Variants in EHBP1L1 observed in about 807,000 individuals in gnomAD.
The protein encoded by EHBP1L1 is EH domain binding protein 1 like 1, also known as EH domain-binding protein 1-like protein 1.
A neutral mutation model predicts 151.1 loss-of-function variants in EHBP1L1; 122 were observed. The ratio of observed to expected loss-of-function variants is 0.81; its 90% CI spans 0.70 to 0.94. EHBP1L1 has a LOEUF of 0.94. Among genes scored for constraint, EHBP1L1 ranks in the 40% least tolerant of loss-of-function variants. The probability of loss-of-function intolerance (pLI) is 0.00; values close to 1 mark genes in which losing one functional copy is unlikely to be tolerated. For missense variants in EHBP1L1, 1,941 were observed against 1,959.8 expected (o/e 0.99, Z 0.18); for synonymous variants, 878 against 810.1 (o/e 1.08, Z -1.42).
chr11:65,591,766 AC>A (rs71036214), intron 16 of EHBP1L1, 33 bp from the exon 17 acceptor site: 9 of 808,260 alleles, frequency 1.1e-5, no homozygotes, highest in African/African-American at 1.8e-5. Context: ...CTGAACTGCC[AC>A]CCCCCCGCCA....
chr11:65,586,416 G>A (rs1413381884), intron 12 of EHBP1L1, among the ~76,000 whole-genome samples: 1 of 152,222 alleles, frequency 6.6e-6, no homozygotes, highest in Non-Finnish European at 1.5e-5. Context: ...ACCTTCAGCT[G>A]TCCAGGAATG....
intron 3 of EHBP1L1, 136 bp from the exon 4 acceptor site, chr11:65,579,800 C>A: frequency 1.1e-6 from 1 of 925,884 alleles, no homozygotes; most frequent in Non-Finnish European, 1.6e-6. Context: ...GCACTCCAGC[C>A]TCGACGACAG....
Position 65,584,033 on chromosome 11 carries a change from TG to T in EHBP1L1, c.3094-203del, listed in dbSNP as rs1261171971. 8 of 1,412,700 alleles carry T rather than the reference TG, an allele frequency of 5.7e-6. No homozygotes were observed. In the Admixed American group the frequency reaches 2.6e-4, roughly 46 times the overall value. The allele number at this position is 1,412,700 out of a possible 1,614,324, so 87.5% of individuals were successfully genotyped here. On this transcript the variant is annotated intron_variant, in intron 9 of 18. Coordinates refer to ENST00000309295, the MANE Select transcript of EHBP1L1 (RefSeq NM_001099409.3). ...GCTGCTGGTGACCTCTGATCTTGTC[TG>T]GGGGCCACTGACCTTTTAGGTGACC...
Position 65,581,859 on chromosome 11 carries a change from C to A in EHBP1L1, c.1187C>A (p.Pro396Gln). The change falls in exon 9 of 19, where the codon CCA becomes CAA. Residue 396 changes from proline to glutamine, a missense_variant. By Grantham distance (76) the Pro-to-Gln change is moderately conservative (BLOSUM62 -1). Transcript: ENST00000309295. ...GAGGCCAGTGGGGTGGACACTGAGC[C>A]AAGGTCAGGAGGCAGAGAGGCAAAC... Reference protein sequence around the residue: ...RPEASGVDTEPRSGGREANTK... With the variant: ...RPEASGVDTEQRSGGREANTK... 6.2e-7 allele frequency: 1 copy of A among 1,613,590 alleles called. No homozygotes were observed. The highest frequency in any genetic ancestry group is 8.5e-7 in the Non-Finnish European group (1 of 1,179,768).
chr11:65,584,154 T>TG (rs1857801851), intron 9 of EHBP1L1, 87 bp from the exon 10 acceptor site: 1 of 1,542,844 alleles, frequency 6.5e-7, no homozygotes, highest in Non-Finnish European at 8.7e-7. Context: ...GAGATGGGGC[T>TG]GTTGTGTGCC....
At position 65,585,300 on chromosome 11, in the gene EHBP1L1, G is replaced by A; in HGVS notation, c.3642G>A (p.Ala1214=). The A allele has an allele frequency of 9.3e-7, 1 of 1,075,178 alleles. No homozygotes were observed. The highest frequency in any genetic ancestry group is 1.1e-6 in the Non-Finnish European group (1 of 887,598). The allele number at this position is 1,075,178 out of a possible 1,614,324, so 66.6% of individuals were successfully genotyped here. Reference sequence around the variant, plus strand: ...GGGTGGCCTCCAGGAACGCGGTCGCGGGCCGCGCCTCCAAGGACGGCGGGG... The same window carrying A: ...GGGTGGCCTCCAGGAACGCGGTCGCAGGCCGCGCCTCCAAGGACGGCGGGG... ...APGVASRNAV[A]GRASKDGGAE... is the part of the protein sequence containing the mutation. The change falls in exon 12 of 19, where the codon GCG becomes GCA. Residue 1214 remains alanine (A), a synonymous_variant. Transcript: ENST00000309295. The surrounding 1 kb of genome is among the most constrained non-coding windows in gnomAD (Gnocchi z 4.0).
intron 1 of EHBP1L1, among the ~76,000 whole-genome samples, chr11:65,576,720 A>G (rs1857347755): frequency 6.6e-6 from 1 of 152,094 alleles, no homozygotes; most frequent in Non-Finnish European, 1.5e-5. Context: ...TGTGCCAGAA[A>G]GGTGGTTCAG....
rs1337233537 is a variant in EHBP1L1 at position 65,582,664 on chromosome 11, G to A, written c.1992G>A (p.Leu664=). 4.3e-6 allele frequency: 7 copies of A among 1,613,566 alleles called. No homozygotes were observed. In the Admixed American group the frequency reaches 1.2e-4, roughly 27 times the overall value. The change falls in exon 9 of 19, where the codon TTG becomes TTA. Residue 664 remains leucine, a synonymous_variant. Transcript: ENST00000309295. ...CAGAAGCTGGGGGTTCAGGAGTTTT[G>A]CAGACAAGAACTACGATAGCAGAGA... The part of the protein sequence containing the change: ...QKTEAGGSGV[L]QTRTTIAETE...
At position 65,591,789 on chromosome 11, in the gene EHBP1L1, C is replaced by CCCCCCAAAA; in HGVS notation, c.4284-10_4284-9insCCCCAAAAC. On this transcript the variant is annotated splice_polypyrimidine_tract_variant and intron_variant, in intron 16 of 18. Transcript: ENST00000309295. The stretch of plus-strand genomic sequence containing the variant: ...CCACCCCCCCGCCACCCACCCCCCG[C>CCCCCCAAAA]CACCTTCCAGCATGGAGGAGCAGGA... The CCCCCCAAAA allele has an allele frequency of 1.3e-6, 2 of 1,540,432 alleles. No individual in the cohort carries two copies. Among genetic ancestry groups the CCCCCCAAAA allele is most frequent in the Non-Finnish European group, 8.8e-7 (1 of 1,140,902 alleles).
In EHBP1L1 at chr11:65,582,350, T is replaced by G. The variant is rs1177745176; in HGVS notation, c.1678T>G (p.Trp560Gly). 6.3e-7 allele frequency: 1 copy of G among 1,575,708 alleles called. No homozygotes were observed. Among genetic ancestry groups the G allele is most frequent in the African/African-American group, 1.4e-5 (1 of 73,198 alleles). Residue 560 changes from tryptophan to glycine, a missense_variant, in exon 9 of 19, where the codon TGG (tryptophan) becomes GGG (glycine). Physicochemically the swap from Trp to Gly is radical, Grantham distance 184. Coordinates refer to ENST00000309295, the MANE Select transcript of EHBP1L1 (RefSeq NM_001099409.3). ...QGAISRGLGGWEAEAGGSGDL... is the reference protein window; with the variant it reads ...QGAISRGLGGGEAEAGGSGDL... Reference sequence around the variant, plus strand: ...GGCAATATCCAGGGGTCTGGGAGGCTGGGAGGCAGAAGCTGGGGGTTCAGG... The same window carrying G: ...GGCAATATCCAGGGGTCTGGGAGGCGGGGAGGCAGAAGCTGGGGGTTCAGG...
chr11:65,577,089 C>T (rs1193009396), intron 1 of EHBP1L1, among the ~76,000 whole-genome samples: 1 of 152,182 alleles, frequency 6.6e-6, no homozygotes, highest in Non-Finnish European at 1.5e-5. Flanking sequence ...GTGCAGGCCC[C>T]AGCCTGGACT....
chr11:65,577,084 G>C (rs917107878), intron 1 of EHBP1L1, among the ~76,000 whole-genome samples: 1 of 152,210 alleles, frequency 6.6e-6, no homozygotes, highest in African/African-American at 2.4e-5. Context: ...AGAGGGTGCA[G>C]GCCCCAGCCT....
Position 65,585,619 on chromosome 11 carries a change from C to T in EHBP1L1, c.3933+28C>T. ...GAGTGTCAAGGTCCTTCTTTCTTCC[C>T]CCGCCGCAGCGCGGGGTCCCGGGAA... On this transcript the variant is annotated intron_variant, in intron 12 of 18. Transcript: ENST00000309295. This position sits in a 1 kb window ranked among gnomAD's most constrained non-coding sequence, Gnocchi z 4.0. The T allele has an allele frequency of 6.5e-7, 1 of 1,546,796 alleles. No homozygotes were observed. The highest frequency in any genetic ancestry group is 1.2e-5 in the South Asian group (1 of 85,136).
In EHBP1L1 at chr11:65,579,990, G is replaced by A; in HGVS notation, c.312+1G>A. 1 of 1,613,962 alleles carries A rather than the reference G, an allele frequency of 6.2e-7. No homozygotes were observed. Among genetic ancestry groups the A allele is most frequent in the Non-Finnish European group, 8.5e-7 (1 of 1,179,876 alleles). On this transcript the variant is annotated splice_donor_variant, in intron 4 of 18. Coordinates refer to ENST00000309295, the MANE Select transcript of EHBP1L1 (RefSeq NM_001099409.3). LOFTEE classifies it high-confidence loss of function. ...AGAGTGGACATTTATTATTGAAAAT[G>A]TGAGTGTCTGGAGTGGGCTCAGGTC...
Position 65,590,078 on chromosome 11 carries a change from C to T in EHBP1L1, c.4060-9C>T. ...AGTCCACCCTGTTCTCTGCCTTTTC[C>T]ACCCCCAGCAACGGTTCCAGGACAC... is the stretch of plus-strand genomic sequence containing the variant. On this transcript the variant is annotated splice_polypyrimidine_tract_variant and intron_variant, in intron 14 of 18. Coordinates refer to ENST00000309295, the MANE Select transcript of EHBP1L1 (RefSeq NM_001099409.3). The T allele has an allele frequency of 6.2e-7, 1 of 1,613,816 alleles. No homozygotes were observed. The highest frequency in any genetic ancestry group is 8.5e-7 in the Non-Finnish European group (1 of 1,179,794).
rs2135293817 is a variant in EHBP1L1, at chr11:65,585,258, A to G, written c.3600A>G (p.Ala1200=). ...AGCCCAAGGAGGCCGCAGACCGCGC[A>G]GACGGGGCGGCCCCGGGGGTGGCCT... The part of the protein sequence containing the change: ...PQEPKEAADR[A]DGAAPGVASR... Residue 1200 remains alanine, a synonymous_variant, in exon 12 of 19, where the codon GCA becomes GCG. Transcript: ENST00000309295. The surrounding 1 kb of genome is among the most constrained non-coding windows in gnomAD (Gnocchi z 4.0). The G allele has an allele frequency of 9.2e-7, 1 of 1,092,430 alleles. No homozygotes were observed. Among genetic ancestry groups the G allele is most frequent in the Non-Finnish European group, 1.1e-6 (1 of 898,604 alleles). 67.7% of individuals were successfully genotyped at this position (1,092,430 alleles called of 1,614,324 possible).
intron 3 of EHBP1L1, 106 bp downstream of exon 3, chr11:65,579,542 CG>C (rs1857491374): frequency 8.2e-6 from 8 of 974,876 alleles, no homozygotes; most frequent in South Asian, 2.2e-5. Flanking sequence ...GAAGAGGATG[CG>C]GGGGGTGAGG....
In EHBP1L1 at chr11:65,583,607, G is replaced by A. The variant is rs1344666834; in HGVS notation, c.2935G>A (p.Ala979Thr). 6 of 1,609,922 alleles carry A rather than the reference G, an allele frequency of 3.7e-6. No individual in the cohort carries two copies. The South Asian group carries it at 4.4e-5, about 12-fold the overall frequency. ...TACTTTTAAGGCCCAGGAAGCGGAG[G>A]CTGGGGTCTTGGGAAATGAGAAGGG... ...SGTFKAQEAE[A>T]GVLGNEKGKE... The change falls in exon 9 of 19, where the codon GCT becomes ACT. Residue 979 changes from alanine (A) to threonine (T), a missense_variant. By Grantham distance (58) the Ala-to-Thr change is moderately conservative. Coordinates refer to ENST00000309295, the MANE Select transcript of EHBP1L1 (RefSeq NM_001099409.3).
chr11:65,579,346 C>T lies in EHBP1L1; in HGVS notation c.168C>T (p.His56=), dbSNP rs1251478318. 1.7e-5 allele frequency: 27 copies of T among 1,556,368 alleles called. No individual in the cohort carries two copies. The highest frequency in any genetic ancestry group is 2.2e-5 in the Non-Finnish European group (25 of 1,149,608). The part of the protein sequence containing the change: ...RRNRRICSKA[H]SWQPGIQNPY... ...ACTCAGATTGTCCCTTGTAGGCCCA[C>T]AGCTGGCAGCCGGGCATCCAGAACC... The change falls in exon 3 of 19, where the codon CAC becomes CAT. Residue 56 remains histidine (H), a synonymous_variant. Coordinates refer to ENST00000309295, the MANE Select transcript of EHBP1L1 (RefSeq NM_001099409.3).
Sources: gnomAD v4.1 joint callset for allele counts (sites outside exome capture counted in the v4.1 genomes callset) on GRCh38, gnomAD v4.1.1 for gene constraint, Gnocchi (gnomAD v3.1) non-coding constraint, MANE v1.5 for transcripts, NCBI Gene and HGNC (gene_info 2026-07-23, HGNC 2026-07-21) for gene names.